TRABD2B: variants seen among roughly 807,000 people sequenced by gnomAD.
The protein encoded by TRABD2B is TraB domain containing 2B.
TRABD2B carries 14 observed loss-of-function variants against 40.1 expected under a neutral mutation model. That is an observed-to-expected ratio of 0.35 (90% CI 0.23 to 0.55). TRABD2B has a LOEUF of 0.55. Among genes scored for constraint, TRABD2B ranks in the 20% least tolerant of loss-of-function variants. The pLI is 0.90. For synonymous variants in TRABD2B, 263 were observed against 277.0 expected, an observed-to-expected ratio of 0.95 and a Z score of 0.50; for missense variants, 541 against 648.6, an observed-to-expected ratio of 0.83 and a Z score of 1.80.
chr1:47,910,746 T>A (rs1397624272), intron 2 of TRABD2B, among the ~76,000 whole-genome samples: 1 of 152,212 alleles, frequency 6.6e-6, no homozygotes, highest in African/African-American at 2.4e-5. Context: ...AAAATACCTA[T>A]CCTCATATGG....
chr1:47,761,990 C>T lies in TRABD2B; in HGVS notation c.*3912G>A, dbSNP rs569911919. ...CCCTGCCATTAAGCTGCTCACAGTC[C>T]GAGAGGAGCAGATACACACTAGATA... On this transcript the variant is annotated 3_prime_UTR_variant, in exon 7 of 7. Coordinates refer to ENST00000606738, the MANE Select transcript of TRABD2B (RefSeq NM_001194986.2). 38 of 152,102 alleles carry T rather than the reference C, an allele frequency of 2.5e-4. No homozygotes were observed. The highest frequency in any genetic ancestry group is 8.0e-4 in the African/African-American group (33 of 41,476). 9.4% of individuals were successfully genotyped at this position (152,102 alleles called of 1,614,324 possible).
chr1:47,891,529 G>T (rs1393186410), intron 2 of TRABD2B, among the ~76,000 whole-genome samples: 1 of 152,190 alleles, frequency 6.6e-6, no homozygotes, highest in African/African-American at 2.4e-5. Flanking sequence ...AGGCACGGTG[G>T]TTCATGCCTG....
intron 2 of TRABD2B, among the ~76,000 whole-genome samples, chr1:47,957,518 A>C (rs975126935): frequency 6.6e-6 from 1 of 152,190 alleles, no homozygotes; most frequent in African/African-American, 2.4e-5. Flanking sequence ...GAAGACCTTA[A>C]ATGACCTGAT....
At chr1:47,945,497 CAT>C (rs1412499886) in intron 2 of TRABD2B, among the ~76,000 whole-genome samples, 1 of 152,062 alleles carries the variant, frequency 6.6e-6, no homozygotes, top group Non-Finnish European at 1.5e-5. Flanking sequence ...TTTTGATGAA[CAT>C]GTACAGTCAT....
chr1:47,842,008 G>A (rs946087076), intron 2 of TRABD2B, among the ~76,000 whole-genome samples: 4 of 152,004 alleles, frequency 2.6e-5, no homozygotes, highest in Middle Eastern at 3.4e-3. Context: ...TCCCAACCTC[G>A]TGATCCACCC....
intron 2 of TRABD2B, among the ~76,000 whole-genome samples, chr1:47,925,284 C>T (rs976936472): frequency 6.6e-6 from 1 of 152,036 alleles, no homozygotes; most frequent in African/African-American, 2.4e-5. Flanking sequence ...CTTCTCAGAG[C>T]CTTTTATCCT....
rs187482309 is a variant in TRABD2B at position 47,923,011 on chromosome 1, C to T, written c.666+71023G>A. On this transcript the variant is annotated intron_variant, in intron 2 of 6. Transcript: ENST00000606738. ...GAGGACCTCCCTTCCTTGTGCACTGCAAGGCATGTACACAGCTGCTTCCCT... is the reference window on the plus strand; with the variant it reads ...GAGGACCTCCCTTCCTTGTGCACTGTAAGGCATGTACACAGCTGCTTCCCT... Among the ~76,000 whole-genome samples, 4 of 152,348 alleles carry T rather than the reference C, an allele frequency of 2.6e-5. No individual in the cohort carries two copies. The East Asian group carries it at 7.7e-4, about 29-fold the overall frequency.
At position 47,778,498 on chromosome 1, in the gene TRABD2B, T is replaced by C. The variant is rs1482767266; in HGVS notation, c.1035A>G (p.Ala345=). ...CGGGTGTGTGGTCCACCTCCAGCCC[T>C]GCCTGCCGCAGGATGTCGATGACTG... The part of the protein sequence containing the change: ...NNTVIDILRQ[A]GLEVDHTPAG... Residue 345 remains alanine (A), a synonymous_variant, in exon 5 of 7, where the codon GCA becomes GCG. Transcript: ENST00000606738. 1 of 1,536,148 alleles carries C rather than the reference T, an allele frequency of 6.5e-7. No individual in the cohort carries two copies. The highest frequency in any genetic ancestry group is 8.7e-7 in the Non-Finnish European group (1 of 1,146,896).
chr1:47,821,760 G>C (rs946436285), intron 2 of TRABD2B, among the ~76,000 whole-genome samples: 2 of 152,110 alleles, frequency 1.3e-5, no homozygotes, highest in Admixed American at 1.3e-4. Flanking sequence ...GCAACCACCA[G>C]TGTCAGCCAG....
intron 2 of TRABD2B, among the ~76,000 whole-genome samples, chr1:47,817,178 G>C (rs997835424): frequency 1.4e-4 from 22 of 152,154 alleles, no homozygotes. Context: ...TTCCTAGAGG[G>C]GCGGCCTCCA....
At chr1:47,979,506 G>C (rs1025201995) in intron 2 of TRABD2B, among the ~76,000 whole-genome samples, 5 of 152,156 alleles carry the variant, frequency 3.3e-5, no homozygotes, top group African/African-American at 1.2e-4. Flanking sequence ...CCACCAAGGG[G>C]GCTGAGCGAG....
At chr1:47,834,278 C>T (rs925264373) in intron 2 of TRABD2B, among the ~76,000 whole-genome samples, 7 of 152,092 alleles carry the variant, frequency 4.6e-5, no homozygotes, top group South Asian at 2.1e-4. Flanking sequence ...CTGAGGCATT[C>T]GAAAACAGCT....
intron 2 of TRABD2B, among the ~76,000 whole-genome samples, chr1:47,932,577 C>T (rs1252595995): frequency 2.0e-5 from 3 of 151,966 alleles, no homozygotes; most frequent in African/African-American, 7.3e-5. Flanking sequence ...GAAATTGATG[C>T]AGGGAAGAGA....
In TRABD2B at chr1:47,877,257, C is replaced by T. The variant is rs115051214; in HGVS notation, c.667-75638G>A. Among the ~76,000 whole-genome samples the T allele has an allele frequency of 2.0e-3, 310 of 152,100 alleles. 2 individuals are homozygous for T. The highest frequency in any genetic ancestry group is 3.4e-3 in the Non-Finnish European group (231 of 67,998). On this transcript the variant is annotated intron_variant, in intron 2 of 6. Coordinates refer to ENST00000606738, the MANE Select transcript of TRABD2B (RefSeq NM_001194986.2). Reference sequence around the variant, plus strand: ...AAGCACAGCAAACAGCCTGTTAAGGCTGTTGGGAAGACAGCTTGGTGTGTT... The same window carrying T: ...AAGCACAGCAAACAGCCTGTTAAGGTTGTTGGGAAGACAGCTTGGTGTGTT...
chr1:47,955,768 G>A (rs2148393718), intron 2 of TRABD2B, among the ~76,000 whole-genome samples: 1 of 152,260 alleles, frequency 6.6e-6, no homozygotes, highest in Non-Finnish European at 1.5e-5. Flanking sequence ...TCCCATCCAG[G>A]CTTCAGGTCA....
At chr1:47,988,746 C>A (rs1337454647) in intron 2 of TRABD2B, among the ~76,000 whole-genome samples, 1 of 152,176 alleles carries the variant, frequency 6.6e-6, no homozygotes, top group Non-Finnish European at 1.5e-5. Context: ...CAGACCTGGG[C>A]CAACACTGGA....
At chr1:47,884,652 C>T (rs562572986) in intron 2 of TRABD2B, among the ~76,000 whole-genome samples, 14 of 152,192 alleles carry the variant, frequency 9.2e-5, no homozygotes, top group Non-Finnish European at 1.0e-4. Flanking sequence ...CTCGCTCTGT[C>T]GCCCAGGCTG....
intron 2 of TRABD2B, among the ~76,000 whole-genome samples, chr1:47,936,488 T>C (rs1442739195): frequency 1.3e-5 from 2 of 152,166 alleles, no homozygotes; most frequent in Admixed American, 6.5e-5. Flanking sequence ...CAGGAGAGGC[T>C]TGTGGAAGAG....
intron 2 of TRABD2B, among the ~76,000 whole-genome samples, chr1:47,879,623 T>C (rs1644274102): frequency 6.6e-6 from 1 of 152,280 alleles, no homozygotes; most frequent in Admixed American, 6.5e-5. Context: ...AAGCAATACA[T>C]TGACATGGTA....
Sources: gnomAD v4.1 joint callset for allele counts (sites outside exome capture counted in the v4.1 genomes callset) on GRCh38, gnomAD v4.1.1 for gene constraint, MANE v1.5 for transcripts, NCBI Gene and HGNC (gene_info 2026-07-23, HGNC 2026-07-21) for gene names.